NAV3: variants seen among roughly 807,000 people sequenced by gnomAD.
NAV3 encodes the protein neuron navigator 3.
Under a neutral mutation model 244.7 loss-of-function variants are expected in NAV3, and 87 were observed. That is an observed-to-expected ratio of 0.36 (90% CI 0.30 to 0.42). The LOEUF is 0.42. NAV3 is among the 20% of genes least tolerant of loss of function. The probability of loss-of-function intolerance (pLI) is 1.00; values close to 1 mark genes in which losing one functional copy is unlikely to be tolerated. For synonymous variants in NAV3, 1,126 were observed against 1,042.2 expected (o/e 1.08, Z -1.55); for missense variants, 2,663 against 2,893.3 (o/e 0.92, Z 1.83).
chr12:77,817,042 T>C (rs1872554310), intron 2 of NAV3, among the ~76,000 whole-genome samples: 1 of 152,238 alleles, frequency 6.6e-6, no homozygotes, highest in African/African-American at 2.4e-5. Context: ...TAGTTCTTTT[T>C]CATTTTGACT....
chr12:77,804,292 T>C (rs980736438), intron 2 of NAV3, among the ~76,000 whole-genome samples: 4 of 152,212 alleles, frequency 2.6e-5, no homozygotes, highest in African/African-American at 7.2e-5. Context: ...GTCTTATGTT[T>C]AAGTCTTTAA....
At chr12:77,767,064 A>G in intron 2 of NAV3, among the ~76,000 whole-genome samples, 1 of 152,066 alleles carries the variant, frequency 6.6e-6, no homozygotes, top group Non-Finnish European at 1.5e-5. Flanking sequence ...GAATTTTTTT[A>G]CAAGGGAAAA....
intron 2 of NAV3, among the ~76,000 whole-genome samples, chr12:77,649,517 A>G (rs1191642394): frequency 6.6e-6 from 1 of 152,156 alleles, no homozygotes; most frequent in East Asian, 1.9e-4. Context: ...GAGTTCTTGG[A>G]TTATCTTTGA....
chr12:78,015,688 T>C (rs1325259234), intron 8 of NAV3, among the ~76,000 whole-genome samples: 1 of 152,106 alleles, frequency 6.6e-6, no homozygotes, highest in African/African-American at 2.4e-5. Context: ...GGTATTTTTG[T>C]GGGAAGATAT....
chr12:78,116,836 G>A lies in NAV3; in HGVS notation c.2701G>A (p.Asp901Asn), dbSNP rs2138517822. Residue 901 changes from aspartate (D) to asparagine (N), a missense_variant, in exon 13 of 40, where the codon GAC becomes AAC. Transcript: ENST00000397909. ...CACCCTTGATAACATCAGCACTGAT[G>A]ACCTGAACACCACATCCTCTGTCAG... ...SDTLDNISTD[D>N]LNTTSSVSSY... The A allele has an allele frequency of 6.2e-7, 1 of 1,612,924 alleles. No homozygotes were observed.
At chr12:78,041,237 T>C (rs910622614) in intron 9 of NAV3, among the ~76,000 whole-genome samples, 10 of 152,210 alleles carry the variant, frequency 6.6e-5, no homozygotes, top group Non-Finnish European at 1.5e-4. Context: ...AAATATTTAC[T>C]TCAGGAAAGT....
intron 2 of NAV3, among the ~76,000 whole-genome samples, chr12:77,651,440 C>G (rs1352096910): frequency 2.0e-5 from 3 of 152,000 alleles, no homozygotes; most frequent in Non-Finnish European, 4.4e-5. Context: ...TTCAACAGCT[C>G]TTACTGCTTA....
chr12:78,081,417 AGG>A (rs1328716294), intron 12 of NAV3, among the ~76,000 whole-genome samples: 1 of 152,154 alleles, frequency 6.6e-6, no homozygotes, highest in African/African-American at 2.4e-5. Flanking sequence ...GCATGGCTTG[AGG>A]GCCCTGGATT....
At chr12:77,931,122 C>A (rs1888744003) in intron 1 of NAV3, among the ~76,000 whole-genome samples, 1 of 151,892 alleles carries the variant, frequency 6.6e-6, no homozygotes, top group Non-Finnish European at 1.5e-5. Context: ...TGACACTTGA[C>A]TTACTGAATC....
At chr12:77,838,795 T>A (rs1454188216) in intron 1 of NAV3, among the ~76,000 whole-genome samples, 6 of 152,212 alleles carry the variant, frequency 3.9e-5, no homozygotes, top group Admixed American at 3.9e-4. Flanking sequence ...GCTCAAATTT[T>A]GAATTAAACT....
At position 77,876,455 on chromosome 12, in the gene NAV3, C is replaced by T. The variant is rs111294284; in HGVS notation, c.243+44751C>T. On this transcript the variant is annotated intron_variant, in intron 1 of 39. Coordinates refer to ENST00000397909, the MANE Select transcript of NAV3 (RefSeq NM_001024383.2). Reference sequence around the variant, plus strand: ...TTTCTTCACGAATCAGTTCTTTTTGCTAGTTTCCTAACTGATTTAAAAATA... The same window carrying T: ...TTTCTTCACGAATCAGTTCTTTTTGTTAGTTTCCTAACTGATTTAAAAATA... Among the ~76,000 whole-genome samples, 640 of 152,106 alleles carry T rather than the reference C, an allele frequency of 4.2e-3. 4 individuals are homozygous for T. The highest frequency in any genetic ancestry group is 0.015 in the African/African-American group (605 of 41,548).
intron 20 of NAV3, chr12:78,143,349 G>T (rs137915424): frequency 8.3e-5 from 36 of 434,728 alleles, no homozygotes; most frequent in African/African-American, 6.0e-4. Flanking sequence ...TGAAATCTAA[G>T]GCCAAGCGCG....
At chr12:78,179,393 T>G in intron 28 of NAV3, 136 bp from the exon 29 acceptor site, 1 of 930,226 alleles carries the variant, frequency 1.1e-6, no homozygotes, top group Non-Finnish European at 1.6e-6. Context: ...CCTTCTCCTT[T>G]TCTCTAGGTT....
chr12:77,722,763 A>G (rs1402495785), intron 2 of NAV3, among the ~76,000 whole-genome samples: 1 of 152,050 alleles, frequency 6.6e-6, no homozygotes, highest in Non-Finnish European at 1.5e-5. Flanking sequence ...CCAAATGTTT[A>G]TATTATGGCA....
At chr12:77,829,903 G>A (rs968437267), upstream of NAV3, among the ~76,000 whole-genome samples, 19 of 152,120 alleles carry the variant, frequency 1.2e-4, no homozygotes, top group Admixed American at 7.2e-4. Context: ...AAATGGTTAC[G>A]ATTTAATAAT....
intron 22 of NAV3, among the ~76,000 whole-genome samples, chr12:78,157,307 G>T (rs1417157611): frequency 6.6e-6 from 1 of 151,784 alleles, no homozygotes; most frequent in Admixed American, 6.6e-5. Flanking sequence ...CCAACACTTT[G>T]CGGGGCCAAG....
chr12:78,198,743 G>A, intron 36 of NAV3, 67 bp downstream of exon 36: 1 of 699,194 alleles, frequency 1.4e-6, no homozygotes, highest in Non-Finnish European at 2.4e-6. Flanking sequence ...CAGGGGAGGG[G>A]GTTGGCATTG....
intron 2 of NAV3, among the ~76,000 whole-genome samples, chr12:77,623,446 G>A (rs1689080842): frequency 1.3e-5 from 2 of 152,132 alleles, no homozygotes; most frequent in South Asian, 4.1e-4. Flanking sequence ...GAAGCCTCCT[G>A]CACTGTGACA....
At chr12:77,655,115 CTT>C (rs1429915664) in intron 2 of NAV3, among the ~76,000 whole-genome samples, 1 of 152,128 alleles carries the variant, frequency 6.6e-6, no homozygotes, top group Non-Finnish European at 1.5e-5. Context: ...CGGAGAATGA[CTT>C]TGAGTTGAGA....
Sources: gnomAD v4.1 joint callset for allele counts (sites outside exome capture counted in the v4.1 genomes callset) on GRCh38, gnomAD v4.1.1 for gene constraint, MANE v1.5 for transcripts, NCBI Gene and HGNC (gene_info 2026-07-23, HGNC 2026-07-21) for gene names.